CELF2: variants seen among roughly 807,000 people sequenced by gnomAD.
The protein encoded by CELF2 is CUG triplet repeat RNA-binding protein 2.
A neutral mutation model predicts 62.6 loss-of-function variants in CELF2; 8 were observed. The ratio of observed to expected loss-of-function variants is 0.13; its 90% confidence interval spans 0.07 to 0.23. The LOEUF is 0.23. CELF2 is among the 10% of genes least tolerant of loss of function. The pLI is 1.00. For missense variants in CELF2, 333 were observed against 671.0 expected, an observed-to-expected ratio of 0.50 and a Z score of 5.56; for synonymous variants, 258 against 250.0, an observed-to-expected ratio of 1.03 and a Z score of -0.30.
intron 1 of CELF2, among the ~76,000 whole-genome samples, chr10:10,886,037 C>T (rs1247184632): frequency 6.6e-6 from 1 of 152,174 alleles, no homozygotes; most frequent in Non-Finnish European, 1.5e-5. Flanking sequence ...ACTCATCTTT[C>T]CCACGTGTTC....
At chr10:10,982,089 G>A (rs1353427152) in intron 2 of CELF2, among the ~76,000 whole-genome samples, 2 of 151,472 alleles carry the variant, frequency 1.3e-5, no homozygotes, top group Non-Finnish European at 2.9e-5. Flanking sequence ...CTGAGTAGCT[G>A]GGATTATAGG....
the CELF2 span, among the ~76,000 whole-genome samples, chr10:10,525,182 C>T: frequency 1.4e-4 from 21 of 152,086 alleles, no homozygotes; most frequent in African/African-American, 4.6e-4. Flanking sequence ...GTATATCATA[C>T]GTTGTTAATA....
Position 11,157,260 on chromosome 10 carries a change from C to T in CELF2, c.75-8226C>T, listed in dbSNP as rs1286124983. ...GGAGCTGTGCTCTGGGGCCGCGTTTCCCACCTTCCCAGCTCCCTTCCTTGT... is the reference window on the plus strand; with the variant it reads ...GGAGCTGTGCTCTGGGGCCGCGTTTTCCACCTTCCCAGCTCCCTTCCTTGT... On this transcript the variant is annotated intron_variant, in intron 1 of 12. Transcript: ENST00000633077. This position sits in a 1 kb window ranked among gnomAD's most constrained non-coding sequence, Gnocchi z 4.9. Among the ~76,000 whole-genome samples, 2 of 152,162 alleles carry T rather than the reference C, an allele frequency of 1.3e-5. No individual in the cohort carries two copies. Among genetic ancestry groups the T allele is most frequent in the Admixed American group, 6.5e-5 (1 of 15,278 alleles).
At chr10:11,222,553 T>G (rs1394483139) in intron 3 of CELF2, among the ~76,000 whole-genome samples, 1 of 152,198 alleles carries the variant, frequency 6.6e-6, no homozygotes, top group Non-Finnish European at 1.5e-5. Context: ...GCTGATGCAT[T>G]TCTTTATTCG....
chr10:10,842,744 T>A (rs994326226), intron 1 of CELF2, among the ~76,000 whole-genome samples: 1 of 152,100 alleles, frequency 6.6e-6, no homozygotes, highest in Non-Finnish European at 1.5e-5. Context: ...TATTAGACTG[T>A]CATTTTCCTT....
At chr10:10,494,264 G>C in the CELF2 span, among the ~76,000 whole-genome samples, 1 of 152,186 alleles carries the variant, frequency 6.6e-6, no homozygotes, top group African/African-American at 2.4e-5. Context: ...AAGATCAATG[G>C]AGCAGGGTTT....
intron 1 of CELF2, among the ~76,000 whole-genome samples, chr10:10,876,260 G>A (rs545862981): frequency 2.2e-4 from 33 of 152,266 alleles, no homozygotes; most frequent in African/African-American, 7.5e-4. Flanking sequence ...TAGGAGAATG[G>A]GAGGTGGGAA....
chr10:10,981,631 C>G (rs2136398323), intron 2 of CELF2, among the ~76,000 whole-genome samples: 1 of 152,310 alleles, frequency 6.6e-6, no homozygotes, highest in Admixed American at 6.5e-5. Flanking sequence ...GCCATAGTTA[C>G]ACCCTTTTCT....
At chr10:11,239,334 A>G (rs1418817334) in intron 3 of CELF2, among the ~76,000 whole-genome samples, 1 of 152,142 alleles carries the variant, frequency 6.6e-6, no homozygotes, top group East Asian at 1.9e-4. Context: ...CAGATATATA[A>G]TCCTGGGTTC....
intron 1 of CELF2, among the ~76,000 whole-genome samples, chr10:11,163,320 A>G (rs748330779): frequency 9.9e-5 from 15 of 152,128 alleles, no homozygotes; most frequent in African/African-American, 2.4e-4. Context: ...CCTCTTTTCA[A>G]TCTAGCTGGT....
the CELF2 span, among the ~76,000 whole-genome samples, chr10:10,471,974 G>T: frequency 1.3e-5 from 2 of 151,746 alleles, no homozygotes; most frequent in Non-Finnish European, 2.9e-5. Context: ...GTCAATCAAA[G>T]CCTTCTTCTC....
At position 11,333,042 on chromosome 10, in the gene CELF2, A is replaced by C. The variant is rs2096058510; in HGVS notation, c.*3989A>C. 6.6e-6 allele frequency: 1 copy of C among 152,228 alleles called. No individual in the cohort carries two copies. Among genetic ancestry groups the C allele is most frequent in the East Asian group, 1.9e-4 (1 of 5,192 alleles). The allele number at this position is 152,228 out of a possible 1,614,324, so 9.4% of individuals were successfully genotyped here. On this transcript the variant is annotated 3_prime_UTR_variant, in exon 13 of 13. Transcript: ENST00000633077. Reference sequence around the variant, plus strand: ...CTTCTTATCAATTACCTAAATCTCAACGAAAAACAATTTACTGAAGCCGAC... The same window carrying C: ...CTTCTTATCAATTACCTAAATCTCACCGAAAAACAATTTACTGAAGCCGAC...
chr10:10,903,979 G>A (rs895270697), intron 1 of CELF2, among the ~76,000 whole-genome samples: 4 of 152,164 alleles, frequency 2.6e-5, no homozygotes, highest in African/African-American at 9.7e-5. Context: ...TGGTGCTGGG[G>A]ATAGGAGGCA....
At chr10:10,734,983 A>C in the CELF2 span, among the ~76,000 whole-genome samples, 1 of 152,200 alleles carries the variant, frequency 6.6e-6, no homozygotes, top group Non-Finnish European at 1.5e-5. Context: ...GTTCTTGCCA[A>C]ATCAAACTCT....
chr10:11,076,483 A>T (rs2071979176), intron 1 of CELF2, among the ~76,000 whole-genome samples: 1 of 152,220 alleles, frequency 6.6e-6, no homozygotes, highest in African/African-American at 2.4e-5. Context: ...GGACAGACCC[A>T]GATCCAGGGC....
At position 11,321,283 on chromosome 10, in the gene CELF2, C is replaced by G. The variant is rs2095424764; in HGVS notation, c.1191C>G (p.Thr397=). Residue 397 remains threonine, a synonymous_variant, in exon 11 of 13, where the codon ACC becomes ACG. Transcript: ENST00000633077. The surrounding 1 kb of genome is among the most constrained non-coding windows in gnomAD (Gnocchi z 6.2). ...CGGCTGGCACCATGGACGCCCTCACCCAGGCCTACTCAGGAATTCAACAGT... is the reference window on the plus strand; with the variant it reads ...CGGCTGGCACCATGGACGCCCTCACGCAGGCCTACTCAGGAATTCAACAGT... ...NGTAGTMDAL[T]QAYSGIQQYA... 1 of 1,613,904 alleles carries G rather than the reference C, an allele frequency of 6.2e-7. No individual in the cohort carries two copies. The highest frequency in any genetic ancestry group is 1.7e-5 in the Admixed American group (1 of 60,006).
intron 1 of CELF2, among the ~76,000 whole-genome samples, chr10:10,874,423 A>G (rs1384101180): frequency 3.1e-5 from 4 of 128,750 alleles, no homozygotes; most frequent in African/African-American, 1.2e-4. Context: ...CTTTACCCAG[A>G]TTCCATGGAA....
chr10:10,915,923 A>G (rs1168695373), intron 1 of CELF2, among the ~76,000 whole-genome samples: 1 of 152,250 alleles, frequency 6.6e-6, no homozygotes, highest in Non-Finnish European at 1.5e-5. Context: ...TTTTGCATGA[A>G]TAAATATTAG....
chr10:10,985,122 A>G (rs1286618606), intron 2 of CELF2, among the ~76,000 whole-genome samples: 1 of 152,194 alleles, frequency 6.6e-6, no homozygotes, highest in Non-Finnish European at 1.5e-5. Flanking sequence ...ATCTACGAAG[A>G]TGTTTAAACT....
Sources: allele counts gnomAD v4.1 joint callset (sites outside exome capture counted in the v4.1 genomes callset), GRCh38; gene constraint gnomAD v4.1.1; non-coding constraint Gnocchi (gnomAD v3.1); transcripts MANE v1.5; gene names NCBI Gene and HGNC (gene_info 2026-07-23, HGNC 2026-07-21).